Variants in CNTN5 observed in about 807,000 individuals in gnomAD.
The protein encoded by CNTN5 is contactin-5.
CNTN5 carries 77 observed loss-of-function variants against 129.1 expected under a neutral mutation model. That is an observed-to-expected ratio of 0.60 (90% CI 0.50 to 0.72). The LOEUF (loss-of-function observed/expected upper bound fraction) is 0.72, where lower values mean the gene tolerates loss of function less well. CNTN5 is among the 30% of genes least tolerant of loss of function. The probability of loss-of-function intolerance (pLI) is 0.00; values close to 1 mark genes in which losing one functional copy is unlikely to be tolerated. For missense variants in CNTN5, 1,478 were observed against 1,328.8 expected (o/e 1.11, Z -1.75); for synonymous variants, 509 against 465.6 (o/e 1.09, Z -1.20).
intron 13 of CNTN5, among the ~76,000 whole-genome samples, chr11:100,117,805 A>G (rs1005257539): frequency 6.6e-6 from 1 of 151,846 alleles, no homozygotes; most frequent in African/African-American, 2.4e-5. Context: ...TAGTTATTCA[A>G]TAAGTGGATA....
chr11:99,223,575 T>G (rs1448336218), intron 1 of CNTN5, among the ~76,000 whole-genome samples: 1 of 152,138 alleles, frequency 6.6e-6, no homozygotes, highest in African/African-American at 2.4e-5. Context: ...GAATCATAGG[T>G]GTGAAAAGTT....
chr11:99,725,311 A>G (rs73552021), intron 3 of CNTN5, among the ~76,000 whole-genome samples: 8,725 of 152,210 alleles, frequency 0.057, 617 homozygotes, highest in African/African-American at 0.17. Context: ...TGTTTTTGAA[A>G]GGAGAAGGTA....
At chr11:99,752,950 T>C (rs1401856957) in intron 3 of CNTN5, among the ~76,000 whole-genome samples, 1 of 152,078 alleles carries the variant, frequency 6.6e-6, no homozygotes, top group South Asian at 2.1e-4. Context: ...TTGTCTGTCC[T>C]GGGGAAAGTC....
chr11:99,298,044 G>A (rs1334170875), intron 1 of CNTN5, among the ~76,000 whole-genome samples: 1 of 151,994 alleles, frequency 6.6e-6, no homozygotes, highest in East Asian at 1.9e-4. Context: ...AAATCTGAGA[G>A]GGAGCTTATC....
At chr11:99,515,570 A>T (rs1435208752) in intron 2 of CNTN5, among the ~76,000 whole-genome samples, 2 of 152,134 alleles carry the variant, frequency 1.3e-5, no homozygotes, top group African/African-American at 4.8e-5. Flanking sequence ...CTTAGAAAAA[A>T]CTGATGCATT....
intron 13 of CNTN5, among the ~76,000 whole-genome samples, chr11:100,161,856 CACACACACACACACACAAAACAA>C (rs1447445042): frequency 1.3e-5 from 2 of 149,622 alleles, no homozygotes; most frequent in African/African-American, 5.0e-5. Context: ...CACACACACA[CACACACACACACACACAAAACAA>C]AAAACAAAAA....
chr11:99,950,498 T>TA (rs1319305269), intron 7 of CNTN5, among the ~76,000 whole-genome samples: 2 of 152,086 alleles, frequency 1.3e-5, no homozygotes, highest in Non-Finnish European at 2.9e-5. Context: ...AAAAATAAAG[T>TA]AAAAAATCTT....
chr11:100,330,604 C>T (rs1430916980), intron 21 of CNTN5, among the ~76,000 whole-genome samples: 2 of 152,174 alleles, frequency 1.3e-5, no homozygotes, highest in South Asian at 2.1e-4. Context: ...TGAAGGAAAA[C>T]CTATCAGAGC....
At chr11:99,177,731 C>T (rs2135555888) in intron 1 of CNTN5, among the ~76,000 whole-genome samples, 1 of 152,256 alleles carries the variant, frequency 6.6e-6, no homozygotes, top group African/African-American at 2.4e-5. Flanking sequence ...AGTGAAGGAA[C>T]TTTCTACAGT....
intron 7 of CNTN5, among the ~76,000 whole-genome samples, chr11:99,928,262 C>A (rs1348429685): frequency 6.6e-6 from 1 of 152,176 alleles, no homozygotes; most frequent in African/African-American, 2.4e-5. Context: ...GCTCACATTG[C>A]CAGCTGTCAG....
chr11:99,406,624 G>A (rs190148439), intron 2 of CNTN5, among the ~76,000 whole-genome samples: 1 of 152,288 alleles, frequency 6.6e-6, no homozygotes, highest in Admixed American at 6.5e-5. Flanking sequence ...CCAGTCCTAT[G>A]TCCTTCCCTT....
intron 2 of CNTN5, among the ~76,000 whole-genome samples, chr11:99,355,831 T>TG (rs905103453): frequency 4.0e-5 from 6 of 150,246 alleles, no homozygotes; most frequent in African/African-American, 1.5e-4. Flanking sequence ...GTTTTTTTTT[T>TG]TTTTGTTTTT....
intron 13 of CNTN5, among the ~76,000 whole-genome samples, chr11:100,190,330 G>T (rs1304763266): frequency 1.3e-5 from 2 of 151,996 alleles, no homozygotes; most frequent in Non-Finnish European, 2.9e-5. Flanking sequence ...GAAATAATAG[G>T]TTATATTTCT....
intron 1 of CNTN5, among the ~76,000 whole-genome samples, chr11:99,173,483 T>C (rs1857627411): frequency 6.6e-6 from 1 of 152,202 alleles, no homozygotes; most frequent in African/African-American, 2.4e-5. Flanking sequence ...TTGGTCAGAT[T>C]TTATTGTTAG....
intron 3 of CNTN5, among the ~76,000 whole-genome samples, chr11:99,590,733 A>G (rs1048968747): frequency 6.6e-5 from 10 of 152,224 alleles, no homozygotes; most frequent in South Asian, 2.1e-4. Flanking sequence ...CAGAAAGACT[A>G]TAGTAAGCAA....
Position 99,620,924 on chromosome 11 carries a change from A to G in CNTN5, c.55+64655A>G, listed in dbSNP as rs528435718. Among the ~76,000 whole-genome samples, 7 of 110,548 alleles carry G rather than the reference A, an allele frequency of 6.3e-5. No homozygotes were observed. In the Admixed American group the frequency reaches 8.0e-4, roughly 13 times the overall value. The allele number at this position is 110,548 out of a possible 152,430, so 72.5% of individuals were successfully genotyped here. A position where few individuals can be genotyped will look rare whatever the true frequency, so the allele number is the denominator to read the frequency against. On this transcript the variant is annotated intron_variant, in intron 3 of 24. Transcript: ENST00000524871. The stretch of plus-strand genomic sequence containing the variant: ...ATTTAAGCATCTAACTATACTTAGA[A>G]TTTTTTTTCTTTACATTTTCTAATA...
At chr11:99,052,306 C>T (rs1864459626) in intron 1 of CNTN5, among the ~76,000 whole-genome samples, 2 of 151,790 alleles carry the variant, frequency 1.3e-5, no homozygotes. Context: ...AGCTATGCTC[C>T]ATGTAACATT....
intron 16 of CNTN5, among the ~76,000 whole-genome samples, chr11:100,232,199 G>C (rs1949505651): frequency 6.6e-6 from 1 of 152,046 alleles, no homozygotes; most frequent in African/African-American, 2.4e-5. Flanking sequence ...ATAGGAAGGG[G>C]AAAATGCTGG....
chr11:99,368,871 G>T (rs532501059), intron 2 of CNTN5, among the ~76,000 whole-genome samples: 2 of 152,162 alleles, frequency 1.3e-5, no homozygotes, highest in African/African-American at 4.8e-5. Flanking sequence ...GTAACAAAAC[G>T]TAAGAGTTTC....
Sources: gnomAD v4.1 joint callset for allele counts (sites outside exome capture counted in the v4.1 genomes callset) on GRCh38, gnomAD v4.1.1 for gene constraint, MANE v1.5 for transcripts, NCBI Gene and HGNC (gene_info 2026-07-23, HGNC 2026-07-21) for gene names.